Variants in TRMT44 observed in about 807,000 individuals in gnomAD.
TRMT44 encodes probable tRNA (uracil-O(2)-)-methyltransferase.
A neutral mutation model predicts 77.3 loss-of-function variants in TRMT44; 78 were observed. The observed-to-expected ratio is 1.01, with a 90% CI of 0.84 to 1.22. The LOEUF (loss-of-function observed/expected upper bound fraction) is 1.22, where lower values mean the gene tolerates loss of function less well. TRMT44 is among the 50% of genes most tolerant of loss of function. The pLI is 0.00. For missense variants in TRMT44, 1,090 were observed against 964.4 expected (o/e 1.13, Z -1.73); for synonymous variants, 391 against 383.3 (o/e 1.02, Z -0.23).
chr4:8,494,328 A>G (rs1217052871), downstream of TRMT44, among the ~76,000 whole-genome samples: 1 of 152,136 alleles, frequency 6.6e-6, no homozygotes, highest in African/African-American at 2.4e-5. Flanking sequence ...GTAAATGGAG[A>G]GCTGATATTC....
At chr4:8,493,288 T>C (rs1160557824) in exon 3 of TRMT44, 1 of 152,186 alleles carries the variant, frequency 6.6e-6, no homozygotes, top group Non-Finnish European at 1.5e-5. Context: ...GTGGATCAGC[T>C]GGCACCACCC....
At chr4:8,486,416 C>A (rs192771287) in intron 2 of TRMT44, among the ~76,000 whole-genome samples, 13 of 152,128 alleles carry the variant, frequency 8.5e-5, no homozygotes, top group Non-Finnish European at 1.2e-4. Flanking sequence ...ACCTTGAAGG[C>A]GAGGTTAATT....
chr4:8,472,490 GTGTC>G (rs1727076071), intron 10 of TRMT44, among the ~76,000 whole-genome samples: 1 of 152,240 alleles, frequency 6.6e-6, no homozygotes, highest in Non-Finnish European at 1.5e-5. Context: ...GTGCAGTACA[GTGTC>G]TGGCTCTCTG....
intron 6 of TRMT44, among the ~76,000 whole-genome samples, chr4:8,463,534 G>A (rs182130812): frequency 1.3e-5 from 2 of 152,260 alleles, no homozygotes; most frequent in Non-Finnish European, 2.9e-5. Context: ...TTCCTAGATT[G>A]AAAGGCCTGT....
Position 8,476,155 on chromosome 4 carries a change from T to C in TRMT44, c.*154T>C. The C allele has an allele frequency of 1.4e-6, 1 of 693,290 alleles. No homozygotes were observed. Among genetic ancestry groups the C allele is most frequent in the Non-Finnish European group, 2.4e-6 (1 of 418,996 alleles). 42.9% of individuals were successfully genotyped at this position (693,290 alleles called of 1,614,324 possible). ...CCTCACAGTGATGAACCGTATTTCA[T>C]AAACATCACACGCCAGAGAAGCCAC... On this transcript the variant is annotated 3_prime_UTR_variant, in exon 11 of 11. Coordinates refer to ENST00000389737, the MANE Select transcript of TRMT44 (RefSeq NM_152544.3).
At chr4:8,487,004 A>G (rs1727830778) in intron 2 of TRMT44, among the ~76,000 whole-genome samples, 4 of 152,188 alleles carry the variant, frequency 2.6e-5, no homozygotes, top group Admixed American at 2.6e-4. Context: ...CGGGAGGGAA[A>G]GAAGGAAGGT....
chr4:8,454,977 G>A, intron 6 of TRMT44, 164 bp downstream of exon 6: 1 of 673,290 alleles, frequency 1.5e-6, no homozygotes, highest in South Asian at 1.9e-5. Context: ...AAAGAGACAT[G>A]AAACTAGACT....
intron 2 of TRMT44, among the ~76,000 whole-genome samples, chr4:8,486,612 G>A (rs62287401): frequency 0.027 from 4,130 of 152,000 alleles, 68 homozygotes; most frequent in South Asian, 0.04. Context: ...AAAGCGTCTC[G>A]GGGTTGCTGC....
Position 8,461,225 on chromosome 4 carries a change from A to G in TRMT44, c.1204-2760A>G, listed in dbSNP as rs930605752. Among the ~76,000 whole-genome samples, 1 of 150,964 alleles carries G rather than the reference A, an allele frequency of 6.6e-6. No homozygotes were observed. Among genetic ancestry groups the G allele is most frequent in the Non-Finnish European group, 1.5e-5 (1 of 68,030 alleles). The stretch of plus-strand genomic sequence containing the variant: ...TTGGCAGTTGCTTGTCCACTCATAC[A>G]TTACATTAGGAAATGTTTTCAAAAC... On this transcript the variant is annotated intron_variant, in intron 6 of 10. Transcript: ENST00000389737. The surrounding 1 kb of genome is among the most constrained non-coding windows in gnomAD (Gnocchi z 4.6).
chr4:8,480,911 A>G (rs928136307), downstream of TRMT44, among the ~76,000 whole-genome samples: 4 of 152,254 alleles, frequency 2.6e-5, no homozygotes, highest in South Asian at 2.1e-4. Context: ...GTGTTTAACC[A>G]TATTTTGAAA....
intron 8 of TRMT44, among the ~76,000 whole-genome samples, chr4:8,466,429 G>A (rs777046441): frequency 5.3e-5 from 8 of 152,234 alleles, no homozygotes; most frequent in Non-Finnish European, 8.8e-5. Flanking sequence ...AGCCCACAGC[G>A]GGGAGGGCAT....
At chr4:8,450,941 T>C (rs1441319031) in intron 3 of TRMT44, among the ~76,000 whole-genome samples, 5 of 152,000 alleles carry the variant, frequency 3.3e-5, no homozygotes, top group African/African-American at 1.2e-4. Context: ...GATGCTACCA[T>C]GCCTGGCTAA....
rs372502016 is a variant in TRMT44 at position 8,468,085 on chromosome 4, G to T, written c.1666G>T (p.Gly556Cys). The T allele has an allele frequency of 6.2e-7, 1 of 1,613,906 alleles. No homozygotes were observed. The highest frequency in any genetic ancestry group is 1.6e-4 in the Middle Eastern group (1 of 6,062). The change falls in exon 9 of 11, where the codon GGT becomes TGT. Residue 556 changes from glycine to cysteine, a missense_variant. Transcript: ENST00000389737. The stretch of plus-strand genomic sequence containing the variant: ...TGCTGGCAGTGCTGGTCACTGTGAC[G>T]GTCAGCAAGCTCTGGACGCCAGGGT... ...VAAGSAGHCDGQQALDARVGC... is the reference protein window; with the variant it reads ...VAAGSAGHCDCQQALDARVGC...
chr4:8,476,115 C>A lies in TRMT44; in HGVS notation c.*114C>A. ...GGCTGTGTTTCAGCCCACCTCCTCC[C>A]AGCTTTCTCCACATCCTCACAGTGA... On this transcript the variant is annotated 3_prime_UTR_variant, in exon 11 of 11. Transcript: ENST00000389737. 1 of 885,210 alleles carries A rather than the reference C, an allele frequency of 1.1e-6. No homozygotes were observed. The highest frequency in any genetic ancestry group is 1.7e-6 in the Non-Finnish European group (1 of 573,126). The allele number at this position is 885,210 out of a possible 1,614,324, so 54.8% of individuals were successfully genotyped here. A position where few individuals can be genotyped will look rare whatever the true frequency, so the allele number is the denominator to read the frequency against.
rs1372291114 is a variant in TRMT44, at chr4:8,444,987, A to G, written c.620-1489A>G. The stretch of plus-strand genomic sequence containing the variant: ...CAGGGAGGGAGAGGATGCTGCTGGC[A>G]TCTAGTGGGTAGGGGCCAGGGCTTC... On this transcript the variant is annotated intron_variant, in intron 1 of 10. Transcript: ENST00000389737. This position sits in a 1 kb window ranked among gnomAD's most constrained non-coding sequence, Gnocchi z 4.0. Among the ~76,000 whole-genome samples the G allele has an allele frequency of 2.0e-5, 3 of 152,212 alleles. No individual in the cohort carries two copies. Among genetic ancestry groups the G allele is most frequent in the Non-Finnish European group, 4.4e-5 (3 of 68,022 alleles).
intron 8 of TRMT44, among the ~76,000 whole-genome samples, chr4:8,467,642 G>A (rs182339454): frequency 1.4e-4 from 21 of 152,200 alleles, no homozygotes; most frequent in Admixed American, 1.1e-3. Flanking sequence ...CACCACGCCC[G>A]GCTAATTTTT....
rs369514598 is a variant in TRMT44 at position 8,468,302 on chromosome 4, C to T, written c.1883C>T (p.Thr628Ile). ...NLLLGGKQLN[T>I]RSSRNGSLKT... ...CTGTTAGGTGGAAAGCAATTAAACA[C>T]AAGAAGTTCTCGAAATGGGAGTTTG... Residue 628 changes from threonine to isoleucine, a missense_variant, in exon 9 of 11, where the codon ACA (threonine) becomes ATA (isoleucine). By Grantham distance (89) the Thr-to-Ile change is moderately conservative (BLOSUM62 -1). Coordinates refer to ENST00000389737, the MANE Select transcript of TRMT44 (RefSeq NM_152544.3). 1 of 1,614,056 alleles carries T rather than the reference C, an allele frequency of 6.2e-7. No homozygotes were observed. Among genetic ancestry groups the T allele is most frequent in the Non-Finnish European group, 8.5e-7 (1 of 1,180,050 alleles).
At chr4:8,449,140 G>T (rs949187902) in intron 2 of TRMT44, among the ~76,000 whole-genome samples, 2 of 152,204 alleles carry the variant, frequency 1.3e-5, no homozygotes, top group African/African-American at 4.8e-5. Context: ...ACCTGGGGGC[G>T]GAGCAGTGAG....
chr4:8,514,727 G>A, the TRMT44 span, among the ~76,000 whole-genome samples: 7 of 152,280 alleles, frequency 4.6e-5, no homozygotes, highest in Non-Finnish European at 7.4e-5. Context: ...GGGGGGCAGC[G>A]CTACATGGAT....
Sources: gnomAD v4.1 joint callset for allele counts (sites outside exome capture counted in the v4.1 genomes callset) on GRCh38, gnomAD v4.1.1 for gene constraint, Gnocchi (gnomAD v3.1) non-coding constraint, MANE v1.5 for transcripts, NCBI Gene and HGNC (gene_info 2026-07-23, HGNC 2026-07-21) for gene names.